Variants in TDRD1 observed in about 807,000 individuals in gnomAD.
TDRD1 encodes tudor domain-containing protein 1.
In TDRD1, 37 loss-of-function variants were observed where a neutral mutation model predicts 140.6. That is an observed-to-expected ratio of 0.26 (90% CI 0.20 to 0.35). The LOEUF (loss-of-function observed/expected upper bound fraction) is 0.35. Ranked by LOEUF, TDRD1 falls within the 10% of genes least tolerant of loss-of-function variation. TDRD1 has a pLI of 1.00. For synonymous variants in TDRD1, 506 were observed against 475.7 expected (o/e 1.06, Z -0.83); for missense variants, 1,243 against 1,393.0 (o/e 0.89, Z 1.71).
intron 16 of TDRD1, among the ~76,000 whole-genome samples, chr10:114,217,326 A>G (rs1392950199): frequency 6.6e-6 from 1 of 152,144 alleles, no homozygotes; most frequent in Non-Finnish European, 1.5e-5. Context: ...CTTTTTGCCC[A>G]GTAAATCGTT....
chr10:114,221,438 G>A lies in TDRD1; in HGVS notation c.2852G>A (p.Ser951Asn). 3.1e-6 allele frequency: 5 copies of A among 1,613,564 alleles called. No homozygotes were observed. Among genetic ancestry groups the A allele is most frequent in the Non-Finnish European group, 4.2e-6 (5 of 1,179,682 alleles). Residue 951 changes from serine to asparagine, a missense_variant, in exon 20 of 26, where the codon AGC (serine) becomes AAC (asparagine). By Grantham distance (46) the Ser-to-Asn change is conservative. This residue lies in a region of TDRD1 where 601 missense variants were observed against 734.7 expected (regional missense o/e 0.82). Coordinates refer to ENST00000251864, the Ensembl canonical transcript of TDRD1. ...CAAGCAAATGTATTAGAAATCATAAGCCCAAACTTGTTTTATGCTCTACCA... is the reference window on the plus strand; with the variant it reads ...CAAGCAAATGTATTAGAAATCATAAACCCAAACTTGTTTTATGCTCTACCA...
At chr10:114,178,403 G>A (rs2032771241), upstream of TDRD1, among the ~76,000 whole-genome samples, 1 of 152,148 alleles carries the variant, frequency 6.6e-6, no homozygotes. Flanking sequence ...GTGCCCAGAA[G>A]CTATATAAGA....
intron 3 of TDRD1, among the ~76,000 whole-genome samples, chr10:114,193,745 G>A (rs2034155693): frequency 1.3e-5 from 2 of 152,156 alleles, no homozygotes; most frequent in African/African-American, 2.4e-5. Context: ...CTTTCAACAC[G>A]AGGTTTGAAT....
At chr10:114,213,623 G>A (rs768741648) in intron 15 of TDRD1, 35 bp downstream of exon 15, 1 of 1,592,434 alleles carries the variant, frequency 6.3e-7, no homozygotes, top group South Asian at 1.1e-5. Context: ...TGCCTGTTCT[G>A]GAGTTCAGAT....
chr10:114,219,327 T>C (rs1429537383), intron 18 of TDRD1, among the ~76,000 whole-genome samples: 2 of 152,132 alleles, frequency 1.3e-5, no homozygotes, highest in Non-Finnish European at 2.9e-5. Context: ...CTCAAAGAGT[T>C]GTTAAGAGAA....
At chr10:114,188,744 C>T (rs1388831008) in intron 2 of TDRD1, among the ~76,000 whole-genome samples, 5 of 152,066 alleles carry the variant, frequency 3.3e-5, no homozygotes, top group African/African-American at 1.2e-4. Flanking sequence ...GTAGTCCCAG[C>T]TACTTGAGAG....
chr10:114,199,282 T>C lies in TDRD1; in HGVS notation c.494T>C (p.Leu165Pro), dbSNP rs1299116093. 5.0e-6 allele frequency: 8 copies of C among 1,613,468 alleles called. No individual in the cohort carries two copies. The African/African-American group carries it at 8.0e-5, about 16-fold the overall frequency. Residue 165 changes from leucine (L) to proline (P), a missense_variant, in exon 4 of 26, where the codon CTT becomes CCT. Leu to Pro is a moderately conservative substitution (Grantham distance 98). Transcript: ENST00000251864. ...CTCTTCACCTCCTTAGGACCTCCTC[T>C]TCGGTCCACAACTTGCCATCGCTGT...
intron 4 of TDRD1, among the ~76,000 whole-genome samples, chr10:114,200,372 T>TTTG (rs147704940): frequency 0.024 from 3,652 of 151,906 alleles, 145 homozygotes; most frequent in African/African-American, 0.084. Flanking sequence ...TCTTTGTGGG[T>TTTG]TTGTTGTTGT....
chr10:114,203,170 A>G, exon 7 of TDRD1: 1 of 1,608,232 alleles, frequency 6.2e-7, no homozygotes, highest in Non-Finnish European at 8.5e-7. Context: ...AAACCATGGA[A>G]ATAAAGGTAT....
chr10:114,187,323 G>C (rs1416676191), intron 1 of TDRD1, among the ~76,000 whole-genome samples: 1 of 152,176 alleles, frequency 6.6e-6, no homozygotes, highest in Admixed American at 6.5e-5. Flanking sequence ...GCCTGCCCAG[G>C]ATGGTCAGGC....
chr10:114,221,531 A>G lies in TDRD1; in HGVS notation c.2890+55A>G, dbSNP rs1487189267. The G allele has an allele frequency of 3.2e-6, 5 of 1,539,372 alleles. No homozygotes were observed. In the Admixed American group the frequency reaches 8.9e-5, roughly 28 times the overall value. ...TGCTCATCTTTTAAACTGTAAAACG[A>G]AAGTGCTGGTCTTGAATTCCTTTGG... On this transcript the variant is annotated intron_variant, in intron 20 of 25. Coordinates refer to ENST00000251864, the Ensembl canonical transcript of TDRD1.
chr10:114,206,751 T>G (rs1455908330), intron 11 of TDRD1, among the ~76,000 whole-genome samples: 1 of 151,912 alleles, frequency 6.6e-6, no homozygotes, highest in African/African-American at 2.4e-5. Context: ...GGAGCTGGGA[T>G]TACAGGCTCC....
intron 21 of TDRD1, among the ~76,000 whole-genome samples, chr10:114,225,450 T>C (rs2036378987): frequency 6.6e-6 from 1 of 152,156 alleles, no homozygotes; most frequent in Non-Finnish European, 1.5e-5. Context: ...CTGCCAACTT[T>C]GGTTGAGCTA....
intron 4 of TDRD1, among the ~76,000 whole-genome samples, chr10:114,200,598 C>T (rs903373923): frequency 6.6e-6 from 1 of 152,144 alleles, no homozygotes; most frequent in Non-Finnish European, 1.5e-5. Context: ...GATCTTGGCT[C>T]ACTGGCACTC....
In TDRD1 at chr10:114,190,536, G is replaced by A. The variant is rs113628093; in HGVS notation, c.326-425G>A. Among the ~76,000 whole-genome samples the A allele has an allele frequency of 1.9e-3, 282 of 152,204 alleles. 2 individuals are homozygous for A. The highest frequency in any genetic ancestry group is 6.5e-3 in the African/African-American group (271 of 41,536). On this transcript the variant is annotated intron_variant, in intron 2 of 25. Transcript: ENST00000251864. The stretch of plus-strand genomic sequence containing the variant: ...GGAGTCTCACTCTGTTGTCCGGGCT[G>A]GAATGCAGTGGCGCTATCTCAGCTC...
exon 5 of TDRD1, chr10:114,201,480 T>G (rs749963883): frequency 1.9e-6 from 3 of 1,614,058 alleles, no homozygotes. Flanking sequence ...GAGACTGGTC[T>G]GCACACAGCA....
At chr10:114,208,074 CAT>C (rs1418598772) in intron 11 of TDRD1, among the ~76,000 whole-genome samples, 14 of 152,026 alleles carry the variant, frequency 9.2e-5, no homozygotes, top group Admixed American at 9.2e-4. Context: ...AGAAAACGAA[CAT>C]GTGTTAAGGC....
intron 1 of TDRD1, among the ~76,000 whole-genome samples, chr10:114,184,870 G>A (rs996030017): frequency 1.3e-5 from 2 of 152,110 alleles, no homozygotes; most frequent in Admixed American, 1.3e-4. Flanking sequence ...CTGAGATGGA[G>A]ATTTGTGTGT....
upstream of TDRD1, among the ~76,000 whole-genome samples, chr10:114,175,187 A>G (rs1035347844): frequency 6.6e-6 from 1 of 152,188 alleles, no homozygotes; most frequent in Non-Finnish European, 1.5e-5. Flanking sequence ...AAATGATTTG[A>G]CTTTAAAACA....
Sources: gnomAD v4.1 joint callset for allele counts (sites outside exome capture counted in the v4.1 genomes callset) on GRCh38, gnomAD v4.1.1 for gene constraint, gnomAD v4.1.1 regional missense constraint, MANE v1.5 for transcripts, NCBI Gene and HGNC (gene_info 2026-07-23, HGNC 2026-07-21) for gene names.